RASA1: variants seen among roughly 807,000 people sequenced by gnomAD.
RASA1 encodes RAS p21 protein activator 1, also known as ras GTPase-activating protein 1.
A neutral mutation model predicts 132.2 loss-of-function variants in RASA1; 25 were observed. That is an observed-to-expected ratio of 0.19 (90% CI 0.14 to 0.26). The LOEUF (loss-of-function observed/expected upper bound fraction) is 0.26, where lower values mean the gene tolerates loss of function less well. Among genes scored for constraint, RASA1 ranks in the 10% least tolerant of loss-of-function variants. The probability of loss-of-function intolerance (pLI) is 1.00; values close to 1 mark genes in which losing one functional copy is unlikely to be tolerated. For synonymous variants in RASA1, 477 were observed against 449.9 expected, an observed-to-expected ratio of 1.06 and a Z score of -0.76; for missense variants, 964 against 1,299.2, an observed-to-expected ratio of 0.74 and a Z score of 3.97.
chr5:87,391,414 A>T lies in RASA1; in HGVS notation c.*531A>T. The T allele has an allele frequency of 4.0e-6, 1 of 249,286 alleles. No homozygotes were observed. The highest frequency in any genetic ancestry group is 1.3e-4 in the South Asian group (1 of 7,778). The allele number at this position is 249,286 out of a possible 1,614,324, so 15.4% of individuals were successfully genotyped here. A position where few individuals can be genotyped will look rare whatever the true frequency, so the allele number is the denominator to read the frequency against. On this transcript the variant is annotated 3_prime_UTR_variant, in exon 25 of 25. Coordinates refer to ENST00000274376, the MANE Select transcript of RASA1 (RefSeq NM_002890.3). ...CAGAGTTTGTCATTATAATAGGAAC[A>T]ATCTTTGCTGTATACTTTTAAAAAA...
intron 5 of RASA1, among the ~76,000 whole-genome samples, chr5:87,338,766 C>A (rs143821587): frequency 6.6e-5 from 10 of 151,288 alleles, no homozygotes; most frequent in Non-Finnish European, 1.2e-4. Context: ...ACTGGTTACA[C>A]ATGTTTGGTT....
At chr5:87,300,300 C>T (rs1031605104) in intron 1 of RASA1, among the ~76,000 whole-genome samples, 1 of 152,104 alleles carries the variant, frequency 6.6e-6, no homozygotes, top group African/African-American at 2.4e-5. Flanking sequence ...TCACGTGAGC[C>T]CAAGTGGTTG....
chr5:87,360,819 C>T (rs575220031), intron 9 of RASA1, among the ~76,000 whole-genome samples: 1 of 152,290 alleles, frequency 6.6e-6, no homozygotes, highest in South Asian at 2.1e-4. Flanking sequence ...GTCTAGAGTG[C>T]TGCTGTTTCT....
At chr5:87,271,352 C>T (rs1395921424) in intron 1 of RASA1, among the ~76,000 whole-genome samples, 1 of 149,330 alleles carries the variant, frequency 6.7e-6, no homozygotes, top group Non-Finnish European at 1.5e-5. Context: ...AAAAACAATG[C>T]AACTTTTCAT....
At position 87,346,705 on chromosome 5, in the gene RASA1, T is replaced by C; in HGVS notation, c.1083T>C (p.Ala361=). 1 of 1,552,012 alleles carries C rather than the reference T, an allele frequency of 6.4e-7. No individual in the cohort carries two copies. Among genetic ancestry groups the C allele is most frequent in the Non-Finnish European group, 8.9e-7 (1 of 1,125,654 alleles). ...ATGGGAAGATTTCCAAACAGGAAGC[T>C]TATAATTTACTAATGACAGGTACTT... The part of the protein sequence containing the change: ...WFHGKISKQE[A]YNLLMTVGQV... The change falls in exon 7 of 25, where the codon GCT becomes GCC. Residue 361 remains alanine, a synonymous_variant. Transcript: ENST00000274376.
In RASA1 at chr5:87,336,516, G is replaced by C. The variant is rs1757982779; in HGVS notation, c.900-1458G>C. Among the ~76,000 whole-genome samples the C allele has an allele frequency of 2.0e-5, 3 of 151,938 alleles. No homozygotes were observed. The South Asian group carries it at 6.2e-4, about 32-fold the overall frequency. ...CCTTAAAAATTAATGATTTAATAAA[G>C]CACTTTAGCCTGTTTTAGGGGGGAT... On this transcript the variant is annotated intron_variant, in intron 4 of 24. Transcript: ENST00000274376.
chr5:87,385,706 T>C (rs1047163241), intron 22 of RASA1, among the ~76,000 whole-genome samples: 2 of 152,188 alleles, frequency 1.3e-5, no homozygotes, highest in Admixed American at 1.3e-4. Context: ...TCACAAACAT[T>C]CACTGTAAAT....
intron 17 of RASA1, 93 bp from the exon 18 acceptor site, chr5:87,378,303 C>T: frequency 7.0e-7 from 1 of 1,435,642 alleles, no homozygotes; most frequent in South Asian, 1.2e-5. Flanking sequence ...AGTGGCTATT[C>T]CTGTTGAGGT....
In RASA1 at chr5:87,376,576, A is replaced by ATT. The variant is rs1364323350; in HGVS notation, c.2184+13_2184+14dup. 1.2e-6 allele frequency: 2 copies of ATT among 1,608,392 alleles called. No homozygotes were observed. The highest frequency in any genetic ancestry group is 2.7e-5 in the African/African-American group (2 of 74,772). ...AGTGAATTTAAAGAGGTATTAAATTATTTATCAGTCTTGTTTTTGTTGGAA... is the reference window on the plus strand; with the variant it reads ...AGTGAATTTAAAGAGGTATTAAATTATTTTTATCAGTCTTGTTTTTGTTGGAA... On this transcript the variant is annotated intron_variant, in intron 16 of 24. Coordinates refer to ENST00000274376, the MANE Select transcript of RASA1 (RefSeq NM_002890.3).
intron 6 of RASA1, 37 bp from the exon 7 acceptor site, chr5:87,346,635 G>T (rs1454920264): frequency 1.5e-6 from 2 of 1,346,896 alleles, no homozygotes; most frequent in East Asian, 2.4e-5. Context: ...CAGCAAAAAG[G>T]ACTTTATTTA....
At chr5:87,299,736 C>T (rs1265744557) in intron 1 of RASA1, 2 of 151,938 alleles carry the variant, frequency 1.3e-5, no homozygotes, top group Non-Finnish European at 1.5e-5. Context: ...GAGCAGGGGT[C>T]ATATTGATCT....
chr5:87,302,864 G>GT (rs1755436139), intron 1 of RASA1, among the ~76,000 whole-genome samples: 1 of 151,936 alleles, frequency 6.6e-6, no homozygotes, highest in South Asian at 2.1e-4. Flanking sequence ...ACAGGTTGAG[G>GT]TTTTTGGAGT....
chr5:87,336,417 T>C (rs1477981464), intron 4 of RASA1, among the ~76,000 whole-genome samples: 6 of 152,064 alleles, frequency 3.9e-5, no homozygotes, highest in African/African-American at 1.4e-4. Context: ...TAAATAATAC[T>C]TTGATGATAT....
intron 1 of RASA1, among the ~76,000 whole-genome samples, chr5:87,303,005 G>A (rs1334484890): frequency 6.6e-6 from 1 of 151,968 alleles, no homozygotes; most frequent in Non-Finnish European, 1.5e-5. Context: ...GCAAGGAAGA[G>A]GTCAAGATTC....
At chr5:87,390,533 T>G (rs1274323575) in intron 24 of RASA1, among the ~76,000 whole-genome samples, 1 of 151,956 alleles carries the variant, frequency 6.6e-6, no homozygotes, top group Non-Finnish European at 1.5e-5. Flanking sequence ...TGACAACATG[T>G]GATAGTGTGA....
intron 17 of RASA1, 189 bp downstream of exon 17, chr5:87,377,229 T>C (rs1327154191): frequency 1.4e-6 from 1 of 715,566 alleles, no homozygotes; most frequent in Non-Finnish European, 2.3e-6. Flanking sequence ...GGGAAGCTGA[T>C]ATTTCTAATG....
intron 1 of RASA1, among the ~76,000 whole-genome samples, chr5:87,322,874 C>A (rs567912879): frequency 3.3e-5 from 5 of 152,148 alleles, no homozygotes; most frequent in South Asian, 2.1e-4. Flanking sequence ...CAGGTCTGGA[C>A]ACTAGGAAGG....
At chr5:87,383,860 T>TG in intron 21 of RASA1, 80 bp downstream of exon 21, 3 of 222,652 alleles carry the variant, frequency 1.3e-5, no homozygotes, top group Non-Finnish European at 2.3e-5. Flanking sequence ...CTCTTAAATC[T>TG]TTTTTTTTTT....
At chr5:87,312,003 T>C (rs1186498226) in intron 1 of RASA1, among the ~76,000 whole-genome samples, 2 of 152,238 alleles carry the variant, frequency 1.3e-5, no homozygotes, top group African/African-American at 4.8e-5. Flanking sequence ...ACTGGTGATA[T>C]ATAAGGAATG....
Sources: allele counts gnomAD v4.1 joint callset (sites outside exome capture counted in the v4.1 genomes callset), GRCh38; gene constraint gnomAD v4.1.1; transcripts MANE v1.5; gene names NCBI Gene and HGNC (gene_info 2026-07-23, HGNC 2026-07-21).